Variants in MEGF9 observed in about 807,000 individuals in gnomAD.
MEGF9 encodes the protein multiple EGF like domains 9, also known as multiple epidermal growth factor-like domains protein 9.
Under a neutral mutation model 46.8 loss-of-function variants are expected in MEGF9, and 6 were observed. The observed-to-expected ratio is 0.13, with a 90% CI of 0.07 to 0.25. The LOEUF is 0.25. MEGF9 is among the 10% of genes least tolerant of loss of function. The pLI, the probability that MEGF9 is intolerant of heterozygous loss-of-function variation, is 1.00. For synonymous variants in MEGF9, 302 were observed against 330.7 expected (o/e 0.91, Z 0.94); for missense variants, 683 against 792.4 (o/e 0.86, Z 1.66).
intron 1 of MEGF9, among the ~76,000 whole-genome samples, chr9:120,679,937 CAAA>C (rs34290703): frequency 2.5e-5 from 3 of 118,612 alleles, no homozygotes; most frequent in African/African-American, 3.4e-5. Context: ...GACTCCGTCT[CAAA>C]AAAAAAAAAA....
rs374735546 is a variant in MEGF9 at position 120,607,765 on chromosome 9, G to A, written c.1333C>T (p.Leu445Phe). The A allele has an allele frequency of 3.1e-6, 5 of 1,610,102 alleles. No individual in the cohort carries two copies. In the South Asian group the frequency reaches 4.4e-5, roughly 14 times the overall value. ...ENCLEGYVHD[L>F]EGNCIKKEVI... ...CCTTTCTTGATGCAATTTCCCTCGA[G>A]GTCGTGAACATAACCTTCTAGGCAG... The change falls in exon 5 of 6, where the codon CTC becomes TTC. Residue 445 changes from leucine to phenylalanine, a missense_variant. By Grantham distance (22) the Leu-to-Phe change is conservative. Around this residue, in one of 2 missense-constraint regions of MEGF9, gnomAD observed 313 missense variants for 421.1 expected, o/e 0.74. Transcript: ENST00000373930.
intron 2 of MEGF9, among the ~76,000 whole-genome samples, chr9:120,649,204 C>T (rs1001086924): frequency 1.1e-4 from 16 of 151,988 alleles, no homozygotes; most frequent in Non-Finnish European, 1.5e-4. Flanking sequence ...TATTTTCAAC[C>T]TGCATTGCTT....
At chr9:120,653,587 G>C (rs1340360963) in intron 2 of MEGF9, among the ~76,000 whole-genome samples, 1 of 151,992 alleles carries the variant, frequency 6.6e-6, no homozygotes, top group African/African-American at 2.4e-5. Context: ...GGCTAGGCTG[G>C]TCTTGAACTC....
At chr9:120,609,493 G>C (rs907680496) in intron 4 of MEGF9, among the ~76,000 whole-genome samples, 1 of 152,080 alleles carries the variant, frequency 6.6e-6, no homozygotes, top group Non-Finnish European at 1.5e-5. Context: ...TAAACTATGA[G>C]CTATTTGACA....
At chr9:120,683,671 T>C (rs1471508799) in intron 1 of MEGF9, among the ~76,000 whole-genome samples, 5 of 152,306 alleles carry the variant, frequency 3.3e-5, no homozygotes, top group South Asian at 2.1e-4. Flanking sequence ...TAGTTCTTTA[T>C]AGCAGTTTGA....
chr9:120,625,833 C>CAAAAA (rs763605820), intron 2 of MEGF9, among the ~76,000 whole-genome samples: 58 of 113,106 alleles, frequency 5.1e-4, no homozygotes, highest in African/African-American at 1.3e-3. Context: ...CTCTGTCTCA[C>CAAAAA]AAAAAAAAAA....
At chr9:120,615,603 T>C (rs2132300826) in intron 3 of MEGF9, among the ~76,000 whole-genome samples, 1 of 151,934 alleles carries the variant, frequency 6.6e-6, no homozygotes, top group East Asian at 1.9e-4. Context: ...CAAGTATAAG[T>C]ATAAAATTTA....
intron 4 of MEGF9, among the ~76,000 whole-genome samples, chr9:120,608,344 A>G (rs1043148936): frequency 6.6e-6 from 1 of 152,210 alleles, no homozygotes. Context: ...TCATGTAGAG[A>G]GCAAAATAAA....
chr9:120,679,625 T>A (rs1196701993), intron 1 of MEGF9, among the ~76,000 whole-genome samples: 1 of 150,416 alleles, frequency 6.6e-6, no homozygotes, highest in Non-Finnish European at 1.5e-5. Context: ...AAGTATAATT[T>A]AAAAAAAAAG....
intron 1 of MEGF9, among the ~76,000 whole-genome samples, chr9:120,709,772 C>T (rs1012683572): frequency 4.6e-5 from 7 of 152,116 alleles, no homozygotes; most frequent in Non-Finnish European, 1.0e-4. Flanking sequence ...TTTGGGCCAG[C>T]GTGCGGCAGC....
chr9:120,653,663 C>T (rs1004250954), intron 2 of MEGF9, among the ~76,000 whole-genome samples: 3 of 152,248 alleles, frequency 2.0e-5, no homozygotes, highest in Middle Eastern at 6.8e-3. Flanking sequence ...TGGGCCACCG[C>T]GCCCGGCCTT....
At position 120,714,040 on chromosome 9, in the gene MEGF9, C is replaced by T. The variant is rs769355333; in HGVS notation, c.319G>A (p.Ala107Thr). ...AQSPETTPLW[A>T]TAGPSSTTFQ... ...GTGGTGGAAGAGGGTCCAGCAGTCG[C>T]CCAAAGAGGGGTGGTCTCCGGGGAC... Residue 107 changes from alanine to threonine, a missense_variant, in exon 1 of 6, where the codon GCG (alanine) becomes ACG (threonine). Physicochemically the swap from Ala to Thr is moderately conservative, Grantham distance 58. Around this residue, in one of 2 missense-constraint regions of MEGF9, gnomAD observed 370 missense variants for 371.3 expected, o/e 1.00. Transcript: ENST00000373930. 3 of 1,319,596 alleles carry T rather than the reference C, an allele frequency of 2.3e-6. No individual in the cohort carries two copies. The highest frequency in any genetic ancestry group is 6.5e-5 in the Admixed American group (2 of 30,678). 81.7% of individuals were successfully genotyped at this position (1,319,596 alleles called of 1,614,324 possible). A position where few individuals can be genotyped will look rare whatever the true frequency, so the allele number is the denominator to read the frequency against.
Position 120,607,853 on chromosome 9 carries a change from A to C in MEGF9, c.1245T>G (p.Cys415Trp). ...HVDPVKTPKI[C>W]KPESGECINC... ...TGATGCACTCACCACTCTCGGGCTT[A>C]CAAATCTTTGGAGTTTTAACTGGGT... Residue 415 changes from cysteine (C) to tryptophan (W), a missense_variant, in exon 5 of 6, where the codon TGT (cysteine) becomes TGG (tryptophan). Around this residue, in one of 2 missense-constraint regions of MEGF9, gnomAD observed 313 missense variants for 421.1 expected, o/e 0.74. Transcript: ENST00000373930. The C allele has an allele frequency of 6.2e-7, 1 of 1,614,036 alleles. No individual in the cohort carries two copies. Among genetic ancestry groups the C allele is most frequent in the Non-Finnish European group, 8.5e-7 (1 of 1,179,884 alleles).
intron 1 of MEGF9, among the ~76,000 whole-genome samples, chr9:120,685,577 C>A (rs965422353): frequency 6.6e-6 from 1 of 152,168 alleles, no homozygotes; most frequent in African/African-American, 2.4e-5. Flanking sequence ...TTTCATACAT[C>A]CCATTCACTA....
At chr9:120,650,178 G>A (rs1191048519) in intron 2 of MEGF9, among the ~76,000 whole-genome samples, 4 of 152,158 alleles carry the variant, frequency 2.6e-5, no homozygotes, top group Admixed American at 1.3e-4. Context: ...CTGAGGCAGA[G>A]AATTGCTTGA....
At chr9:120,684,838 T>C (rs2132334641) in intron 1 of MEGF9, among the ~76,000 whole-genome samples, 1 of 151,516 alleles carries the variant, frequency 6.6e-6, no homozygotes, top group East Asian at 1.9e-4. Flanking sequence ...CATTTTTTTT[T>C]CTTTTTTTTT....
chr9:120,661,342 C>T (rs751376250), intron 1 of MEGF9, among the ~76,000 whole-genome samples: 40 of 152,118 alleles, frequency 2.6e-4, no homozygotes, highest in African/African-American at 5.3e-4. Flanking sequence ...AGTGAAACCA[C>T]GTCTCTACCA....
At chr9:120,639,975 C>T (rs2043595081) in intron 2 of MEGF9, among the ~76,000 whole-genome samples, 1 of 152,280 alleles carries the variant, frequency 6.6e-6, no homozygotes, top group African/African-American at 2.4e-5. Flanking sequence ...TGCCATATAT[C>T]AAATGTCTTT....
At chr9:120,626,601 ACT>A (rs2043526531) in intron 2 of MEGF9, among the ~76,000 whole-genome samples, 2 of 152,132 alleles carry the variant, frequency 1.3e-5, no homozygotes, top group African/African-American at 2.4e-5. Context: ...CTTTTTAAAG[ACT>A]CTGTTTAAGA....
Sources: allele counts gnomAD v4.1 joint callset (sites outside exome capture counted in the v4.1 genomes callset), GRCh38; gene constraint gnomAD v4.1.1; regional missense constraint gnomAD v4.1.1; transcripts MANE v1.5; gene names NCBI Gene and HGNC (gene_info 2026-07-23, HGNC 2026-07-21).